The following EHMT1 variants were observed in gnomAD, a reference collection of about 807,000 sequenced individuals.
The protein encoded by EHMT1 is histone-lysine N-methyltransferase EHMT1.
Under a neutral mutation model 147.2 loss-of-function variants are expected in EHMT1, and 15 were observed. The ratio of observed to expected loss-of-function variants is 0.10; its 90% CI spans 0.07 to 0.16. The LOEUF is 0.16. EHMT1 is among the 10% of genes least tolerant of loss of function. The pLI is 1.00. For synonymous variants in EHMT1, 795 were observed against 709.6 expected, an observed-to-expected ratio of 1.12 and a Z score of -1.91; for missense variants, 1,587 against 1,772.4, an observed-to-expected ratio of 0.90 and a Z score of 1.88.
At chr9:137,799,266 C>G (rs1228362101) in intron 17 of EHMT1, among the ~76,000 whole-genome samples, 1 of 152,060 alleles carries the variant, frequency 6.6e-6, no homozygotes, top group Non-Finnish European at 1.5e-5. Context: ...TGTGAATGCT[C>G]ACAGCAGGGC....
intron 4 of EHMT1, among the ~76,000 whole-genome samples, chr9:137,741,318 T>C (rs1588467694): frequency 1.3e-5 from 2 of 151,540 alleles, no homozygotes; most frequent in African/African-American, 4.8e-5. Flanking sequence ...GGTTATCTCC[T>C]TTGTCCTCAC....
At position 137,628,391 on chromosome 9, in the gene EHMT1, A is replaced by C. The variant is rs567107583; in HGVS notation, c.21+9342A>C. On this transcript the variant is annotated intron_variant, in intron 1 of 26. Coordinates refer to ENST00000460843, the MANE Select transcript of EHMT1 (RefSeq NM_024757.5). Reference sequence around the variant, plus strand: ...TTTGCTAAGAGAAGAGAGGATCAGAATCAATTTTTCTTTTTTTAAAATTAC... The same window carrying C: ...TTTGCTAAGAGAAGAGAGGATCAGACTCAATTTTTCTTTTTTTAAAATTAC... Among the ~76,000 whole-genome samples, 9 of 152,336 alleles carry C rather than the reference A, an allele frequency of 5.9e-5. No homozygotes were observed. In the South Asian group the frequency reaches 1.7e-3, roughly 28 times the overall value.
In EHMT1 at chr9:137,670,649, G is replaced by C. The variant is rs930250209; in HGVS notation, c.22-40318G>C. Among the ~76,000 whole-genome samples, 2 of 152,092 alleles carry C rather than the reference G, an allele frequency of 1.3e-5. 1 individual carries two copies. Among genetic ancestry groups the C allele is most frequent in the South Asian group, 4.2e-4 (2 of 4,816 alleles). On this transcript the variant is annotated intron_variant, in intron 1 of 26. Transcript: ENST00000460843. Reference sequence around the variant, plus strand: ...TTCCCTGGCCACCTGTCCTTCTGGGGGCAGGTCTGCAGCATATCAGCCCAG... The same window carrying C: ...TTCCCTGGCCACCTGTCCTTCTGGGCGCAGGTCTGCAGCATATCAGCCCAG...
intron 25 of EHMT1, chr9:137,833,990 C>T (rs2133143347): frequency 3.1e-6 from 1 of 323,976 alleles, no homozygotes; most frequent in Admixed American, 4.4e-5. Flanking sequence ...CCCCGGCCTC[C>T]TTTCTCCTAT....
chr9:137,742,287 ATTTG>A (rs1053205960), intron 4 of EHMT1, among the ~76,000 whole-genome samples: 6 of 94,486 alleles, frequency 6.4e-5, no homozygotes, highest in African/African-American at 2.3e-4. Context: ...GTAGAACCAA[ATTTG>A]TGTGTGTGTG....
chr9:137,629,239 C>A (rs1589037223), intron 1 of EHMT1, among the ~76,000 whole-genome samples: 1 of 151,450 alleles, frequency 6.6e-6, no homozygotes, highest in African/African-American at 2.4e-5. Context: ...ATTACAGGCG[C>A]CCACCACCAT....
Position 137,619,251 on chromosome 9 carries a change from G to A in EHMT1, c.21+202G>A, listed in dbSNP as rs967570261. 6.2e-3 allele frequency among the ~76,000 whole-genome samples: 876 copies of A among 141,820 alleles called. 8 individuals carry two copies. Among genetic ancestry groups the A allele is most frequent in the African/African-American group, 0.02 (807 of 39,796 alleles). 93.0% of individuals were successfully genotyped at this position (141,820 alleles called of 152,430 possible). On this transcript the variant is annotated intron_variant, in intron 1 of 26. Coordinates refer to ENST00000460843, the MANE Select transcript of EHMT1 (RefSeq NM_024757.5). The stretch of plus-strand genomic sequence containing the variant: ...CGCCGGGCGTCCGGCCCGCGCTCCC[G>A]CCGGGCGCGCTTTGTGCGCGGCGCG...
chr9:137,730,282 G>T (rs909664869), intron 4 of EHMT1, among the ~76,000 whole-genome samples: 1 of 152,170 alleles, frequency 6.6e-6, no homozygotes, highest in African/African-American at 2.4e-5. Context: ...TCCCACCAGG[G>T]TCTTCAGCAT....
At chr9:137,655,786 C>T (rs1314801280) in intron 1 of EHMT1, among the ~76,000 whole-genome samples, 1 of 152,158 alleles carries the variant, frequency 6.6e-6, no homozygotes, top group South Asian at 2.1e-4. Context: ...TTATGAGAAT[C>T]TAGCGTCTGA....
Position 137,706,603 on chromosome 9 carries a change from C to T in EHMT1, c.22-4364C>T, listed in dbSNP as rs189899899. ...CTGGGTTAAAGATATTCTCCTGCCT[C>T]AGCCTCCTGAGTAGCTGGGATTACA... On this transcript the variant is annotated intron_variant, in intron 1 of 26. Coordinates refer to ENST00000460843, the MANE Select transcript of EHMT1 (RefSeq NM_024757.5). Among the ~76,000 whole-genome samples the T allele has an allele frequency of 4.5e-3, 682 of 152,276 alleles. 5 individuals carry two copies. The highest frequency in any genetic ancestry group is 0.017 in the Middle Eastern group (5 of 294).
At position 137,731,909 on chromosome 9, in the gene EHMT1, T is replaced by C. The variant is rs1348353812; in HGVS notation, c.823+3380T>C. On this transcript the variant is annotated intron_variant, in intron 4 of 26. Transcript: ENST00000460843. This position sits in a 1 kb window ranked among gnomAD's most constrained non-coding sequence, Gnocchi z 4.3. The stretch of plus-strand genomic sequence containing the variant: ...TGCAGAGCTGTGGCTGGATGAGGCA[T>C]ACCACAAGCAGTTTACACTGCAGGC... Among the ~76,000 whole-genome samples, 1 of 152,150 alleles carries C rather than the reference T, an allele frequency of 6.6e-6. No homozygotes were observed. Among genetic ancestry groups the C allele is most frequent in the Non-Finnish European group, 1.5e-5 (1 of 68,008 alleles).
At chr9:137,780,566 AGATGTGTGGTGATGACGCTGG>A in intron 14 of EHMT1, among the ~76,000 whole-genome samples, 11 of 89,650 alleles carry the variant, frequency 1.2e-4, no homozygotes, top group East Asian at 3.0e-4. Flanking sequence ...GGCATCACTG[AGATGTGTGGTGATGACGCTGG>A]GATGTGTGGT....
At chr9:137,748,911 G>A (rs199950737) in intron 6 of EHMT1, among the ~76,000 whole-genome samples, 4 of 152,126 alleles carry the variant, frequency 2.6e-5, no homozygotes, top group African/African-American at 9.7e-5. Context: ...AACAGTACCC[G>A]GTTTAGCCAT....
intron 1 of EHMT1, among the ~76,000 whole-genome samples, chr9:137,644,914 C>G (rs1844774317): frequency 6.6e-6 from 1 of 151,946 alleles, no homozygotes; most frequent in Non-Finnish European, 1.5e-5. Context: ...CCTCTGTTGC[C>G]CAGGCTGGAG....
chr9:137,770,135 C>T (rs1950500901), intron 10 of EHMT1, among the ~76,000 whole-genome samples: 1 of 152,212 alleles, frequency 6.6e-6, no homozygotes, highest in African/African-American at 2.4e-5. Flanking sequence ...CTGTGCCCGG[C>T]CCACTTTATT....
At chr9:137,800,448 A>C in intron 17 of EHMT1, 3 of 226,180 alleles carry the variant, frequency 1.3e-5, no homozygotes, top group South Asian at 6.2e-5. Flanking sequence ...CTGAAGGAGG[A>C]GCAGAACCTG....
chr9:137,743,601 G>T lies in EHMT1; in HGVS notation c.981+73G>T. ...TTCTGTGTTCAGGGCCTCGTTATCA[G>T]TAATTTGGGTGACCTCAGTCCCCGG... On this transcript the variant is annotated intron_variant, in intron 5 of 26. Coordinates refer to ENST00000460843, the MANE Select transcript of EHMT1 (RefSeq NM_024757.5). The T allele has an allele frequency of 2.5e-6, 4 of 1,606,388 alleles. No homozygotes were observed. In the South Asian group the frequency reaches 4.4e-5, roughly 18 times the overall value.
At position 137,835,073 on chromosome 9, in the gene EHMT1, C is replaced by T; in HGVS notation, c.*120C>T. 8.3e-7 allele frequency: 1 copy of T among 1,206,140 alleles called. No homozygotes were observed. Among genetic ancestry groups the T allele is most frequent in the Non-Finnish European group, 1.1e-6 (1 of 935,054 alleles). The allele number at this position is 1,206,140 out of a possible 1,614,324, so 74.7% of individuals were successfully genotyped here. A position where few individuals can be genotyped will look rare whatever the true frequency, so the allele number is the denominator to read the frequency against. Reference sequence around the variant, plus strand: ...TCCTTCGGGGCTGCGCCGCCGGCTTCCTGGAGGGGTCGGAGGTGAGGCTGC... The same window carrying T: ...TCCTTCGGGGCTGCGCCGCCGGCTTTCTGGAGGGGTCGGAGGTGAGGCTGC... On this transcript the variant is annotated 3_prime_UTR_variant, in exon 27 of 27. Coordinates refer to ENST00000460843, the MANE Select transcript of EHMT1 (RefSeq NM_024757.5).
chr9:137,782,401 C>G lies in EHMT1; in HGVS notation c.2382+4C>G, dbSNP rs752270107. The G allele has an allele frequency of 6.2e-7, 1 of 1,603,078 alleles. No homozygotes were observed. The highest frequency in any genetic ancestry group is 2.2e-5 in the East Asian group (1 of 44,490). On this transcript the variant is annotated splice_donor_region_variant and intron_variant, in intron 15 of 26. Transcript: ENST00000460843. This position sits in a 1 kb window ranked among gnomAD's most constrained non-coding sequence, Gnocchi z 5.7. ...CATCTGCCACATGCTGGTTCAGGTG[C>G]GGCGGCACGGCGCCCTCCTAGGGCT... is the stretch of plus-strand genomic sequence containing the variant.
Sources: gnomAD v4.1 joint callset for allele counts (sites outside exome capture counted in the v4.1 genomes callset) on GRCh38, gnomAD v4.1.1 for gene constraint, Gnocchi (gnomAD v3.1) non-coding constraint, MANE v1.5 for transcripts, NCBI Gene and HGNC (gene_info 2026-07-23, HGNC 2026-07-21) for gene names.